The following RNASEL variants were observed in gnomAD, a reference collection of about 807,000 sequenced individuals.
The protein encoded by RNASEL is 2-5A-dependent ribonuclease.
A neutral mutation model predicts 50.9 loss-of-function variants in RNASEL; 36 were observed. The observed-to-expected ratio is 0.71, with a 90% CI of 0.54 to 0.93. The LOEUF is 0.93. Among genes scored for constraint, RNASEL ranks in the 40% least tolerant of loss-of-function variants. The pLI, the probability that RNASEL is intolerant of heterozygous loss-of-function variation, is 0.00. For missense variants in RNASEL, 860 were observed against 894.5 expected (o/e 0.96, Z 0.49); for synonymous variants, 335 against 335.6 (o/e 1.00, Z 0.02).
Position 182,585,917 on chromosome 1 carries a change from G to A in RNASEL, c.890C>T (p.Ala297Val). ...KIAELLCKRG[A>V]STDCGDLVMT... is the part of the protein sequence containing the mutation. ...AACAAGATCCCCACAATCTGTACTG[G>A]CTCCACGTTTGCACAGCAACTCGGC... Residue 297 changes from alanine to valine, a missense_variant, in exon 2 of 7, where the codon GCC (alanine) becomes GTC (valine). By Grantham distance (64) the Ala-to-Val change is moderately conservative. Transcript: ENST00000367559. 3 of 1,614,050 alleles carry A rather than the reference G, an allele frequency of 1.9e-6. No homozygotes were observed. Among genetic ancestry groups the A allele is most frequent in the Non-Finnish European group, 1.7e-6 (2 of 1,179,962 alleles).
chr1:182,581,173 A>G, intron 5 of RNASEL, 52 bp downstream of exon 5: 1 of 1,612,936 alleles, frequency 6.2e-7, no homozygotes, highest in Non-Finnish European at 8.5e-7. Flanking sequence ...ATAAAACATT[A>G]CACAAATTCT....
At chr1:182,578,113 A>G (rs910456712) in intron 5 of RNASEL, 3 of 152,226 alleles carry the variant, frequency 2.0e-5, no homozygotes, top group African/African-American at 7.2e-5. Context: ...AGCACAAGCA[A>G]TGAAAATAAA....
Position 182,576,401 on chromosome 1 carries a change from A to T in RNASEL, c.1906-12T>A. On this transcript the variant is annotated splice_polypyrimidine_tract_variant and intron_variant, in intron 5 of 6. Coordinates refer to ENST00000367559, the MANE Select transcript of RNASEL (RefSeq NM_021133.4). ...ACACATTCATTAATCTAAAAAAACA[A>T]AAAATAACACAAAAATGTGGTAGCA... is the stretch of plus-strand genomic sequence containing the variant. 1.3e-6 allele frequency: 2 copies of T among 1,545,258 alleles called. No individual in the cohort carries two copies. Among genetic ancestry groups the T allele is most frequent in the South Asian group, 2.3e-5 (2 of 87,406 alleles).
Position 182,582,100 on chromosome 1 carries a change from G to A in RNASEL, c.1725C>T (p.Asp575=), listed in dbSNP as rs2102367179. The change falls in exon 4 of 7, where the codon GAC becomes GAT. Residue 575 remains aspartate (D), a synonymous_variant. Coordinates refer to ENST00000367559, the MANE Select transcript of RNASEL (RefSeq NM_021133.4). ...GATGACCCAGCAGGTCACTCAGACA[G>A]TCCCTCACATGTTCCCCAGGATGGA... ...RLFHPGEHVR[D]CLSDLLGHPF... is the part of the protein sequence containing the mutation. The A allele has an allele frequency of 6.2e-7, 1 of 1,614,232 alleles. No homozygotes were observed. The highest frequency in any genetic ancestry group is 8.5e-7 in the Non-Finnish European group (1 of 1,180,026).
Position 182,576,277 on chromosome 1 carries a change from A to G in RNASEL, c.2018T>C (p.Ile673Thr), listed in dbSNP as rs150721457. ...TTACTTTTTATGCTTTTCTTCATCA[A>G]TGTGTTCTCCCAAATTCCGGATGAA... The part of the protein sequence containing the change: ...LKFIRNLGEH[I>T]DEEKHKKMKL... Residue 673 changes from isoleucine to threonine, a missense_variant, in exon 6 of 7, where the codon ATT (isoleucine) becomes ACT (threonine). Physicochemically the swap from Ile to Thr is moderately conservative, Grantham distance 89. Transcript: ENST00000367559. 1.6e-5 allele frequency: 26 copies of G among 1,612,004 alleles called. No homozygotes were observed. Among genetic ancestry groups the G allele is most frequent in the African/African-American group, 8.0e-5 (6 of 74,910 alleles).
At position 182,585,656 on chromosome 1, in the gene RNASEL, T is replaced by C. The variant is rs745669547; in HGVS notation, c.1151A>G (p.Tyr384Cys). 1.2e-6 allele frequency: 2 copies of C among 1,614,184 alleles called. No individual in the cohort carries two copies. Among genetic ancestry groups the C allele is most frequent in the Non-Finnish European group, 1.7e-6 (2 of 1,180,022 alleles). Reference sequence around the variant, plus strand: ...CTTCACAGCTACTTCTTGCTTCTCATAGAACCCCAGGTAGATGCCTCCTTC... The same window carrying C: ...CTTCACAGCTACTTCTTGCTTCTCACAGAACCCCAGGTAGATGCCTCCTTC... ...TSEGGIYLGFYEKQEVAVKTF... is the reference protein window; with the variant it reads ...TSEGGIYLGFCEKQEVAVKTF... The change falls in exon 2 of 7, where the codon TAT becomes TGT. Residue 384 changes from tyrosine (Y) to cysteine (C), a missense_variant. By Grantham distance (194) the Tyr-to-Cys change is radical (BLOSUM62 -2). Transcript: ENST00000367559.
intron 5 of RNASEL, chr1:182,579,848 T>G: frequency 6.3e-6 from 4 of 633,038 alleles, no homozygotes; most frequent in Non-Finnish European, 1.0e-5. Context: ...CCTCAGTGAG[T>G]AAATGAGTTG....
At chr1:182,585,272 A>G (rs1661569551) in intron 2 of RNASEL, 55 bp downstream of exon 2, 1 of 1,575,298 alleles carries the variant, frequency 6.3e-7, no homozygotes, top group Non-Finnish European at 8.7e-7. Flanking sequence ...AACTTTTCCT[A>G]TCATAAACAA....
In RNASEL at chr1:182,581,308, G is replaced by A. The variant is rs771749891; in HGVS notation, c.1822C>T (p.Arg608Ter). Residue 608 changes from arginine to a stop codon, truncating the protein, a stop_gained, in exon 5 of 7, where the codon CGA becomes TGA. Coordinates refer to ENST00000367559, the MANE Select transcript of RNASEL (RefSeq NM_021133.4). LOFTEE classifies it high-confidence loss of function. ...NVGNESDIKT[R>*]KSESEILRLL... ...CTGAGGATCTCACTTTCAGATTTTC[G>A]TGTTTTGATGTCGGATTCATTTCCC... 6 of 1,613,820 alleles carry A rather than the reference G, an allele frequency of 3.7e-6. No individual in the cohort carries two copies. The highest frequency in any genetic ancestry group is 2.2e-5 in the South Asian group (2 of 91,066).
rs1301194440 is a variant in RNASEL, at chr1:182,574,542, C to T, written c.*850G>A. The stretch of plus-strand genomic sequence containing the variant: ...CCCAGCCCCTTAAGTCAGGTTTTCT[C>T]AACCTCAGCACCATTGATATTTTTG... On this transcript the variant is annotated 3_prime_UTR_variant, in exon 7 of 7. Coordinates refer to ENST00000367559, the MANE Select transcript of RNASEL (RefSeq NM_021133.4). 8.6e-6 allele frequency: 2 copies of T among 232,622 alleles called. No individual in the cohort carries two copies. The highest frequency in any genetic ancestry group is 1.2e-4 in the East Asian group (2 of 16,470). The allele number at this position is 232,622 out of a possible 1,614,324, so 14.4% of individuals were successfully genotyped here.
intron 1 of RNASEL, among the ~76,000 whole-genome samples, chr1:182,588,809 C>G (rs764603382): frequency 1.6e-4 from 25 of 152,152 alleles, no homozygotes; most frequent in Non-Finnish European, 2.6e-4. Flanking sequence ...AACAAAGGAG[C>G]CGGGAAGGAG....
intron 5 of RNASEL, chr1:182,578,197 G>C (rs560991124): frequency 6.6e-6 from 1 of 152,184 alleles, no homozygotes; most frequent in African/African-American, 2.4e-5. Context: ...CAAACAACCT[G>C]CAGCATGGGA....
intron 1 of RNASEL, among the ~76,000 whole-genome samples, 182 bp from the exon 2 acceptor site, chr1:182,587,152 T>G (rs955608591): frequency 6.6e-6 from 1 of 152,140 alleles, no homozygotes; most frequent in Non-Finnish European, 1.5e-5. Context: ...CTAGTCCCAA[T>G]GCCCAGAAAC....
Position 182,575,164 on chromosome 1 carries a change from A to T in RNASEL, c.*228T>A. 1.8e-6 allele frequency: 1 copy of T among 561,834 alleles called. No homozygotes were observed. The highest frequency in any genetic ancestry group is 3.2e-6 in the Non-Finnish European group (1 of 315,162). 34.8% of individuals were successfully genotyped at this position (561,834 alleles called of 1,614,324 possible). On this transcript the variant is annotated 3_prime_UTR_variant, in exon 7 of 7. Coordinates refer to ENST00000367559, the MANE Select transcript of RNASEL (RefSeq NM_021133.4). ...TGGTGCAATTGACAAAAGGAATCTTAGCAGAATGTCCTCCCAGTTAGTGGG... is the reference window on the plus strand; with the variant it reads ...TGGTGCAATTGACAAAAGGAATCTTTGCAGAATGTCCTCCCAGTTAGTGGG...
In RNASEL at chr1:182,586,531, C is replaced by T. The variant is rs2102372146; in HGVS notation, c.276G>A (p.Gly92=). The T allele has an allele frequency of 6.2e-7, 1 of 1,609,164 alleles. No homozygotes were observed. Residue 92 remains glycine, a synonymous_variant, in exon 2 of 7, where the codon GGG becomes GGA. Transcript: ENST00000367559. ...TCGCTGCGAGGATAAAAGGCGTGGC[C>T]CCATTCTTCTTCCTCAGAACAGGGT... ...GADPVLRKKN[G]ATPFILAAIA...
chr1:182,580,799 G>C (rs761678037), intron 5 of RNASEL, among the ~76,000 whole-genome samples: 1 of 152,208 alleles, frequency 6.6e-6, no homozygotes, highest in Non-Finnish European at 1.5e-5. Context: ...GATCCTGAGA[G>C]CTGGGCTGTT....
In RNASEL at chr1:182,581,355, C is replaced by T. The variant is rs35896902; in HGVS notation, c.1775G>A (p.Arg592His). 2.5e-5 allele frequency: 41 copies of T among 1,613,812 alleles called. No individual in the cohort carries two copies. The East Asian group carries it at 3.8e-4, about 15-fold the overall frequency. Residue 592 changes from arginine (R) to histidine (H), a missense_variant and splice_region_variant, in exon 5 of 7, where the codon CGC (arginine) becomes CAC (histidine). Transcript: ENST00000367559. ...TCCCACATTCCGAAGCGTCCTATAG[C>T]GGCTGAAGATGACTAAATGATCTAA... ...GHPFFWTWES[R>H]YRTLRNVGNE... is the part of the protein sequence containing the mutation.
chr1:182,575,411 A>G lies in RNASEL; in HGVS notation c.2207T>C (p.Leu736Ser). The change falls in exon 7 of 7, where the codon TTG becomes TCG. Residue 736 changes from leucine to serine, a missense_variant. Coordinates refer to ENST00000367559, the MANE Select transcript of RNASEL (RefSeq NM_021133.4). ...AGTCCATCAGCACCCAGGGCTGGCC[A>G]ACCCACTGGCCCCACCAGCTCCATC... is the stretch of plus-strand genomic sequence containing the variant. The part of the protein sequence containing the change: ...QCDGAGGASG[L>S]ASPGC 1 of 1,614,142 alleles carries G rather than the reference A, an allele frequency of 6.2e-7. No individual in the cohort carries two copies. Among genetic ancestry groups the G allele is most frequent in the Non-Finnish European group, 8.5e-7 (1 of 1,180,030 alleles).
At chr1:182,576,541 G>A (rs1303220373) in intron 5 of RNASEL, 152 bp from the exon 6 acceptor site, 10 of 694,184 alleles carry the variant, frequency 1.4e-5, no homozygotes, top group Non-Finnish European at 2.1e-5. Flanking sequence ...TTTAAAAATG[G>A]AAGTAAATGC....
Sources: gnomAD v4.1 joint callset for allele counts (sites outside exome capture counted in the v4.1 genomes callset) on GRCh38, gnomAD v4.1.1 for gene constraint, MANE v1.5 for transcripts, NCBI Gene and HGNC (gene_info 2026-07-23, HGNC 2026-07-21) for gene names.